TBC1D14: variants seen among roughly 807,000 people sequenced by gnomAD.
The protein encoded by TBC1D14 is TBC1 domain family member 14.
In TBC1D14, 26 loss-of-function variants were observed where a neutral mutation model predicts 79.0. The ratio of observed to expected loss-of-function variants is 0.33; its 90% CI spans 0.24 to 0.46. The LOEUF (loss-of-function observed/expected upper bound fraction) is 0.46. TBC1D14 is among the 20% of genes least tolerant of loss of function. The pLI is 1.00. For missense variants in TBC1D14, 769 were observed against 887.6 expected (o/e 0.87, Z 1.70); for synonymous variants, 394 against 349.9 (o/e 1.13, Z -1.40).
In TBC1D14 at chr4:7,032,888, G is replaced by C. The variant is rs777915904; in HGVS notation, c.*2496G>C. 3 of 152,394 alleles carry C rather than the reference G, an allele frequency of 2.0e-5. No individual in the cohort carries two copies. Among genetic ancestry groups the C allele is most frequent in the Non-Finnish European group, 4.4e-5 (3 of 68,052 alleles). The allele number at this position is 152,394 out of a possible 1,614,324, so 9.4% of individuals were successfully genotyped here. A position where few individuals can be genotyped will look rare whatever the true frequency, so the allele number is the denominator to read the frequency against. ...GGCTGCCTCTCCCGCCAGGCATTGGGATCCCATTTAGAAACGGCATTCACT... is the reference window on the plus strand; with the variant it reads ...GGCTGCCTCTCCCGCCAGGCATTGGCATCCCATTTAGAAACGGCATTCACT... On this transcript the variant is annotated 3_prime_UTR_variant, in exon 14 of 14. Coordinates refer to ENST00000409757, the MANE Select transcript of TBC1D14 (RefSeq NM_020773.3).
rs1393607318 is a variant in TBC1D14, at chr4:6,923,961, C to G, written c.572C>G (p.Thr191Ser). 6.2e-7 allele frequency: 1 copy of G among 1,613,998 alleles called. No homozygotes were observed. Among genetic ancestry groups the G allele is most frequent in the East Asian group, 2.2e-5 (1 of 44,896 alleles). The change falls in exon 2 of 14, where the codon ACC (threonine) becomes AGC (serine). Residue 191 changes from threonine to serine, a missense_variant. Coordinates refer to ENST00000409757, the MANE Select transcript of TBC1D14 (RefSeq NM_020773.3). ...VVTSSSSAIV[T>S]LENDDDPQFT... ...ACGAGCAGCTCCAGTGCCATTGTGACCCTGGAGAATGACGATGACCCACAG... is the reference window on the plus strand; with the variant it reads ...ACGAGCAGCTCCAGTGCCATTGTGAGCCTGGAGAATGACGATGACCCACAG...
intron 3 of TBC1D14, among the ~76,000 whole-genome samples, chr4:6,978,944 G>GT (rs1435647665): frequency 6.6e-6 from 1 of 152,162 alleles, no homozygotes; most frequent in Non-Finnish European, 1.5e-5. Flanking sequence ...GGCGTTTGCA[G>GT]TGTATGTAGA....
At chr4:6,952,536 A>C (rs1714138302) in intron 2 of TBC1D14, among the ~76,000 whole-genome samples, 2 of 152,226 alleles carry the variant, frequency 1.3e-5, no homozygotes, top group Admixed American at 6.5e-5. Context: ...TTAAATTGCA[A>C]AAGTAATATG....
intron 2 of TBC1D14, among the ~76,000 whole-genome samples, chr4:6,951,168 T>C (rs1183927634): frequency 2.0e-5 from 3 of 152,120 alleles, no homozygotes; most frequent in Non-Finnish European, 4.4e-5. Flanking sequence ...GGCAGGCACC[T>C]ATAATCCCAG....
intron 3 of TBC1D14, among the ~76,000 whole-genome samples, chr4:6,984,220 C>T (rs1421134029): frequency 6.6e-6 from 1 of 152,126 alleles, no homozygotes; most frequent in African/African-American, 2.4e-5. Context: ...AAGCCCATGT[C>T]TTTGTCTCTC....
intron 1 of TBC1D14, among the ~76,000 whole-genome samples, chr4:6,922,694 G>A (rs1302849621): frequency 6.6e-6 from 1 of 152,080 alleles, no homozygotes; most frequent in African/African-American, 2.4e-5. Flanking sequence ...TATGGGTTAT[G>A]GATTCACATA....
chr4:6,937,435 A>T (rs11724542), intron 2 of TBC1D14, among the ~76,000 whole-genome samples: 9,562 of 152,194 alleles, frequency 0.063, 417 homozygotes, highest in Middle Eastern at 0.13. Context: ...TCATTTCCTA[A>T]TACTGTCAAC....
chr4:6,953,614 A>C, intron 2 of TBC1D14, among the ~76,000 whole-genome samples: 1 of 116,920 alleles, frequency 8.6e-6, no homozygotes, highest in African/African-American at 3.2e-5. Context: ...CCTGGGCGAC[A>C]GCGAGACTCC....
At chr4:6,926,324 C>T (rs764400507) in intron 2 of TBC1D14, among the ~76,000 whole-genome samples, 2 of 152,204 alleles carry the variant, frequency 1.3e-5, no homozygotes, top group African/African-American at 2.4e-5. Flanking sequence ...GGCCACGTTG[C>T]TCTTTCTGCC....
chr4:7,023,696 T>C (rs1258868271), intron 12 of TBC1D14, among the ~76,000 whole-genome samples: 1 of 152,204 alleles, frequency 6.6e-6, no homozygotes, highest in African/African-American at 2.4e-5. Flanking sequence ...GGCTCGGGAC[T>C]TACTGGTGGT....
chr4:6,954,892 G>T (rs948371497), intron 2 of TBC1D14, among the ~76,000 whole-genome samples: 1 of 152,254 alleles, frequency 6.6e-6, no homozygotes, highest in African/African-American at 2.4e-5. Context: ...GGCGTGAGCG[G>T]CCGTGCCCGG....
intron 12 of TBC1D14, among the ~76,000 whole-genome samples, chr4:7,021,733 G>A (rs979161658): frequency 1.3e-5 from 2 of 150,872 alleles, no homozygotes; most frequent in Non-Finnish European, 2.9e-5. Flanking sequence ...GATCTACAAC[G>A]CAATAATATG....
chr4:7,017,039 G>T (rs1428235530), intron 12 of TBC1D14, among the ~76,000 whole-genome samples: 1 of 152,178 alleles, frequency 6.6e-6, no homozygotes, highest in Non-Finnish European at 1.5e-5. Context: ...ACTAGCTCAC[G>T]CCTGTAATCC....
At chr4:6,915,421 G>A (rs1343371417) in intron 1 of TBC1D14, among the ~76,000 whole-genome samples, 1 of 152,186 alleles carries the variant, frequency 6.6e-6, no homozygotes, top group African/African-American at 2.4e-5. Flanking sequence ...GTAGAACTCA[G>A]CATGCTGTTT....
chr4:6,987,263 G>C (rs1717953562), intron 3 of TBC1D14: 1 of 1,276,780 alleles, frequency 7.8e-7, no homozygotes, highest in Admixed American at 4.2e-5. Flanking sequence ...GCCCGCCCGC[G>C]GTCCGGGAGG....
intron 5 of TBC1D14, among the ~76,000 whole-genome samples, chr4:6,998,351 C>T (rs1290138700): frequency 2.1e-5 from 3 of 146,196 alleles, no homozygotes; most frequent in Non-Finnish European, 4.5e-5. Flanking sequence ...CAGAGCAAAA[C>T]TCCGTCTAAA....
chr4:7,022,803 A>G (rs1245871262), intron 12 of TBC1D14, among the ~76,000 whole-genome samples: 1 of 152,060 alleles, frequency 6.6e-6, no homozygotes, highest in Non-Finnish European at 1.5e-5. Flanking sequence ...AGACTCACAC[A>G]TAAATCTCAG....
intron 8 of TBC1D14, among the ~76,000 whole-genome samples, chr4:7,005,331 C>T (rs1337211340): frequency 2.0e-5 from 3 of 152,004 alleles, no homozygotes; most frequent in African/African-American, 4.8e-5. Context: ...GTCAGGAGTT[C>T]GAGACCAGCC....
chr4:6,947,067 A>G (rs1316647009), intron 2 of TBC1D14, among the ~76,000 whole-genome samples: 4 of 152,142 alleles, frequency 2.6e-5, no homozygotes, highest in Admixed American at 6.5e-5. Flanking sequence ...TCTCCTTGTA[A>G]AAATCTAAGT....
Sources: gnomAD v4.1 joint callset for allele counts (sites outside exome capture counted in the v4.1 genomes callset) on GRCh38, gnomAD v4.1.1 for gene constraint, MANE v1.5 for transcripts, NCBI Gene and HGNC (gene_info 2026-07-23, HGNC 2026-07-21) for gene names.